The following ARFGEF1 variants were observed in gnomAD, a reference collection of about 807,000 sequenced individuals.
The protein encoded by ARFGEF1 is brefeldin A-inhibited guanine nucleotide-exchange protein 1.
A neutral mutation model predicts 231.0 loss-of-function variants in ARFGEF1; 42 were observed. The observed-to-expected ratio is 0.18, with a 90% CI of 0.14 to 0.24. The LOEUF is 0.24. Among genes scored for constraint, ARFGEF1 ranks in the 10% least tolerant of loss-of-function variants. The pLI is 1.00. For missense variants in ARFGEF1, 1,345 were observed against 2,192.0 expected, an observed-to-expected ratio of 0.61 and a Z score of 7.72; for synonymous variants, 710 against 732.3, an observed-to-expected ratio of 0.97 and a Z score of 0.49.
At chr8:67,342,863 G>T (rs1808708292) in intron 1 of ARFGEF1, among the ~76,000 whole-genome samples, 1 of 151,962 alleles carries the variant, frequency 6.6e-6, no homozygotes, top group South Asian at 2.1e-4. Flanking sequence ...CGCACCTCAC[G>T]GACCACCAAC....
At position 67,295,467 on chromosome 8, in the gene ARFGEF1, C is replaced by G. The variant is rs539729334; in HGVS notation, c.639+964G>C. Among the ~76,000 whole-genome samples the G allele has an allele frequency of 3.9e-5, 6 of 152,226 alleles. No homozygotes were observed. The South Asian group carries it at 1.2e-3, about 32-fold the overall frequency. Reference sequence around the variant, plus strand: ...CACTGAAAAGGACACAACATTGTCTCAGAGATATTCTGGCAAAAAATGCAC... The same window carrying G: ...CACTGAAAAGGACACAACATTGTCTGAGAGATATTCTGGCAAAAAATGCAC... On this transcript the variant is annotated intron_variant, in intron 5 of 38. Transcript: ENST00000262215.
At chr8:67,278,859 T>C (rs1018308802) in intron 7 of ARFGEF1, among the ~76,000 whole-genome samples, 4 of 152,218 alleles carry the variant, frequency 2.6e-5, no homozygotes, top group African/African-American at 4.8e-5. Flanking sequence ...AAATACATTA[T>C]GAAAACTGTT....
intron 6 of ARFGEF1, among the ~76,000 whole-genome samples, chr8:67,289,996 A>C (rs1805939169): frequency 6.6e-6 from 1 of 152,212 alleles, no homozygotes; most frequent in African/African-American, 2.4e-5. Context: ...AATAACAATG[A>C]CTAATATTTA....
Position 67,197,844 on chromosome 8 carries a change from G to A in ARFGEF1, c.*1090C>T, listed in dbSNP as rs1838137731. On this transcript the variant is annotated 3_prime_UTR_variant, in exon 39 of 39. Coordinates refer to ENST00000262215, the MANE Select transcript of ARFGEF1 (RefSeq NM_006421.5). ...TCTACATCCACTGTTAATACGGAAT[G>A]CTTGACAATCTTGTCTTTTAACCAT... is the stretch of plus-strand genomic sequence containing the variant. 1 of 985,740 alleles carries A rather than the reference G, an allele frequency of 1.0e-6. No homozygotes were observed. Among genetic ancestry groups the A allele is most frequent in the African/African-American group, 1.7e-5 (1 of 57,240 alleles). The allele number at this position is 985,740 out of a possible 1,614,324, so 61.1% of individuals were successfully genotyped here.
At chr8:67,253,923 GCAGT>G (rs1840374086) in intron 17 of ARFGEF1, among the ~76,000 whole-genome samples, 1 of 152,132 alleles carries the variant, frequency 6.6e-6, no homozygotes, top group Non-Finnish European at 1.5e-5. Context: ...AAGAGCTTTT[GCAGT>G]CTCTCAAAAG....
intron 7 of ARFGEF1, among the ~76,000 whole-genome samples, chr8:67,284,899 T>C (rs1805686729): frequency 6.6e-6 from 1 of 152,034 alleles, no homozygotes; most frequent in Non-Finnish European, 1.5e-5. Flanking sequence ...AAAAGGGAAG[T>C]TGAAGGTGAA....
chr8:67,195,324 TTA>T, downstream of ARFGEF1: 1 of 1,055,222 alleles, frequency 9.5e-7, no homozygotes, highest in South Asian at 1.3e-5. Context: ...AGACCTGCGC[TTA>T]TGTCTCCTGC....
At chr8:67,265,978 A>C in intron 14 of ARFGEF1, 28 bp downstream of exon 14, 1 of 1,607,324 alleles carries the variant, frequency 6.2e-7, no homozygotes, top group Admixed American at 1.7e-5. Context: ...ATATTCAATA[A>C]CATTTCTCCT....
intron 22 of ARFGEF1, 150 bp downstream of exon 22, chr8:67,238,193 G>T: frequency 1.3e-6 from 1 of 773,634 alleles, no homozygotes; most frequent in Non-Finnish European, 1.9e-6. Flanking sequence ...AGGCAAAAAA[G>T]ATTTAGTTCC....
intron 19 of ARFGEF1, among the ~76,000 whole-genome samples, chr8:67,243,907 G>A (rs1182783373): frequency 6.6e-6 from 1 of 151,700 alleles, no homozygotes; most frequent in Admixed American, 6.6e-5. Context: ...TTTTTAAAAG[G>A]ATTAAAATAA....
At chr8:67,181,401 G>C (rs1282326972) in intron 5 of ARFGEF1, among the ~76,000 whole-genome samples, 13 of 148,160 alleles carry the variant, frequency 8.8e-5, no homozygotes, top group African/African-American at 3.0e-4. Flanking sequence ...ACTGCGGAGA[G>C]AAGGAAAGAT....
Position 67,177,797 on chromosome 8 carries a change from A to G in ARFGEF1, c.561-2225T>C, listed in dbSNP as rs1249256327. The G allele has an allele frequency of 5.8e-6, 6 of 1,042,606 alleles. No homozygotes were observed. The Admixed American group carries it at 7.0e-5, about 12-fold the overall frequency. 64.6% of individuals were successfully genotyped at this position (1,042,606 alleles called of 1,614,324 possible). A position where few individuals can be genotyped will look rare whatever the true frequency, so the allele number is the denominator to read the frequency against. On this transcript the variant is annotated intron_variant, in intron 5 of 5. Coordinates refer to the ARFGEF1 transcript ENST00000518789. Reference sequence around the variant, plus strand: ...AAAATCTTTAGGCATATGATGATCAAGTAATTCAAATTTTGAATTATTCAG... The same window carrying G: ...AAAATCTTTAGGCATATGATGATCAGGTAATTCAAATTTTGAATTATTCAG...
At chr8:67,236,733 G>A (rs988813642) in intron 22 of ARFGEF1, among the ~76,000 whole-genome samples, 2 of 152,026 alleles carry the variant, frequency 1.3e-5, no homozygotes, top group African/African-American at 2.4e-5. Context: ...ACCTAAATAA[G>A]GCATAAAATA....
At chr8:67,273,953 G>C (rs747293314) in intron 9 of ARFGEF1, among the ~76,000 whole-genome samples, 1 of 152,046 alleles carries the variant, frequency 6.6e-6, no homozygotes, top group Non-Finnish European at 1.5e-5. Flanking sequence ...ATAACAATGA[G>C]TGTTTGTTCT....
chr8:67,228,833 C>T (rs1839466028), intron 23 of ARFGEF1, among the ~76,000 whole-genome samples: 1 of 152,008 alleles, frequency 6.6e-6, no homozygotes, highest in Non-Finnish European at 1.5e-5. Context: ...GCCCATTCTT[C>T]TTTGCTGAGC....
In ARFGEF1 at chr8:67,343,175, T is replaced by C. The variant is rs1378735697; in HGVS notation, c.113A>G (p.Glu38Gly). ...TCCTCCCCGCTCACCTAACGCCACC[T>C]CGCAAGCTTTGCGCAGCTGGGAGTG... The part of the protein sequence containing the change: ...AHHSQLRKAC[E>G]VALEEIKAET... Residue 38 changes from glutamate to glycine, a missense_variant, in exon 1 of 39, where the codon GAG becomes GGG. Coordinates refer to ENST00000262215, the MANE Select transcript of ARFGEF1 (RefSeq NM_006421.5). The C allele has an allele frequency of 7.4e-7, 1 of 1,358,458 alleles. No individual in the cohort carries two copies. The highest frequency in any genetic ancestry group is 4.2e-5 in the East Asian group (1 of 24,022). 84.2% of individuals were successfully genotyped at this position (1,358,458 alleles called of 1,614,324 possible).
At chr8:67,192,295 G>C (rs1404976807) in intron 5 of ARFGEF1, among the ~76,000 whole-genome samples, 1 of 152,028 alleles carries the variant, frequency 6.6e-6, no homozygotes, top group Admixed American at 6.6e-5. Context: ...GGCTGGTCTT[G>C]AACTCCTAAC....
chr8:67,264,346 T>C (rs1300065226), intron 14 of ARFGEF1, among the ~76,000 whole-genome samples: 1 of 152,074 alleles, frequency 6.6e-6, no homozygotes, highest in Non-Finnish European at 1.5e-5. Flanking sequence ...CAAGTCTTAG[T>C]GACAGATTAG....
chr8:67,321,169 G>T (rs963412006), intron 1 of ARFGEF1, among the ~76,000 whole-genome samples: 1 of 151,478 alleles, frequency 6.6e-6, no homozygotes, highest in Non-Finnish European at 1.5e-5. Flanking sequence ...GTATGGGGGG[G>T]GGTTTGGGGG....
Sources: gnomAD v4.1 joint callset for allele counts (sites outside exome capture counted in the v4.1 genomes callset) on GRCh38, gnomAD v4.1.1 for gene constraint, MANE v1.5 for transcripts, NCBI Gene and HGNC (gene_info 2026-07-23, HGNC 2026-07-21) for gene names.